Variants in GALNT10 observed in about 807,000 individuals in gnomAD.
GALNT10 encodes polypeptide N-acetylgalactosaminyltransferase 10.
A neutral mutation model predicts 75.0 loss-of-function variants in GALNT10; 41 were observed. That is an observed-to-expected ratio of 0.55 (90% CI 0.43 to 0.71). GALNT10 has a LOEUF of 0.71. GALNT10 is among the 30% of genes least tolerant of loss of function. The pLI is 0.00. For synonymous variants in GALNT10, 302 were observed against 313.0 expected, an observed-to-expected ratio of 0.96 and a Z score of 0.37; for missense variants, 727 against 818.5, an observed-to-expected ratio of 0.89 and a Z score of 1.36.
At chr5:154,406,948 G>A (rs1283712095) in intron 8 of GALNT10, among the ~76,000 whole-genome samples, 10 of 152,156 alleles carry the variant, frequency 6.6e-5, no homozygotes, top group African/African-American at 1.2e-4. Context: ...TACGGACTCC[G>A]GAAGGACAAA....
At position 154,409,556 on chromosome 5, in the gene GALNT10, G is replaced by A; in HGVS notation, c.1180G>A (p.Ala394Thr). The change falls in exon 9 of 12, where the codon GCC (alanine) becomes ACC (threonine). Residue 394 changes from alanine to threonine, a missense_variant. Ala to Thr is a moderately conservative substitution (Grantham distance 58). Transcript: ENST00000297107. The surrounding 1 kb of genome is among the most constrained non-coding windows in gnomAD (Gnocchi z 4.5). ...VSLARNLKRV[A>T]EVWMDEYAEY... ...TGCCCCATAGAACCTTAAGCGGGTG[G>A]CCGAAGTGTGGATGGATGAGTACGC... 6.2e-7 allele frequency: 1 copy of A among 1,613,164 alleles called. No individual in the cohort carries two copies. Among genetic ancestry groups the A allele is most frequent in the Non-Finnish European group, 8.5e-7 (1 of 1,179,104 alleles).
chr5:154,219,866 A>ACACACACACC (rs1561632532), intron 1 of GALNT10, among the ~76,000 whole-genome samples: 3 of 146,618 alleles, frequency 2.0e-5, no homozygotes, highest in Non-Finnish European at 3.0e-5. Flanking sequence ...ACACACACAC[A>ACACACACACC]CCACAGAGAG....
chr5:154,218,625 C>G (rs977593950), intron 1 of GALNT10, among the ~76,000 whole-genome samples: 1 of 152,118 alleles, frequency 6.6e-6, no homozygotes, highest in African/African-American at 2.4e-5. Context: ...TCTTCTGAGC[C>G]ATTTCTAGAA....
intron 7 of GALNT10, among the ~76,000 whole-genome samples, chr5:154,390,933 A>G (rs1296024352): frequency 6.6e-6 from 1 of 152,246 alleles, no homozygotes; most frequent in Non-Finnish European, 1.5e-5. Flanking sequence ...AGGCTGGCTT[A>G]CATTTCCATT....
intron 7 of GALNT10, among the ~76,000 whole-genome samples, chr5:154,400,199 A>G (rs1169291990): frequency 2.0e-5 from 3 of 152,144 alleles, no homozygotes; most frequent in Non-Finnish European, 4.4e-5. Context: ...GAGAAAAGCC[A>G]TGGCGGGGGC....
intron 3 of GALNT10, among the ~76,000 whole-genome samples, chr5:154,328,595 A>G (rs1032204551): frequency 6.6e-6 from 1 of 152,204 alleles, no homozygotes; most frequent in Non-Finnish European, 1.5e-5. Flanking sequence ...ATTCAATTCA[A>G]TTCTGACACT....
intron 1 of GALNT10, among the ~76,000 whole-genome samples, chr5:154,231,376 G>C (rs566568579): frequency 9.9e-5 from 15 of 152,212 alleles, no homozygotes; most frequent in Non-Finnish European, 2.1e-4. Flanking sequence ...CCACTTTTTT[G>C]GGAAAATCTT....
intron 1 of GALNT10, among the ~76,000 whole-genome samples, chr5:154,216,650 A>G (rs1011029268): frequency 1.3e-5 from 2 of 152,242 alleles, no homozygotes; most frequent in Non-Finnish European, 2.9e-5. Flanking sequence ...AGTCTTACCA[A>G]TTGAAAGACT....
At chr5:154,351,707 T>C (rs1327159041) in intron 4 of GALNT10, among the ~76,000 whole-genome samples, 2 of 152,208 alleles carry the variant, frequency 1.3e-5, no homozygotes, top group African/African-American at 4.8e-5. Flanking sequence ...AGTTTTCACT[T>C]TGGGTACCTT....
intron 2 of GALNT10, among the ~76,000 whole-genome samples, chr5:154,296,827 T>C (rs1425875739): frequency 6.6e-6 from 1 of 152,152 alleles, no homozygotes; most frequent in Non-Finnish European, 1.5e-5. Context: ...GGGTCCCTCA[T>C]GTTATCTGTC....
chr5:154,210,555 G>C (rs1269658052), intron 1 of GALNT10, among the ~76,000 whole-genome samples: 1 of 152,170 alleles, frequency 6.6e-6, no homozygotes, highest in Non-Finnish European at 1.5e-5. Context: ...TGATTATACA[G>C]ACTTACAATA....
chr5:154,413,038 G>C, intron 10 of GALNT10, 33 bp downstream of exon 10: 1 of 1,386,096 alleles, frequency 7.2e-7, no homozygotes. Flanking sequence ...TGGCAGCCAG[G>C]TTCTCTGAAA....
At chr5:154,267,341 G>A (rs534964815) in intron 1 of GALNT10, among the ~76,000 whole-genome samples, 18 of 152,300 alleles carry the variant, frequency 1.2e-4, no homozygotes, top group African/African-American at 4.1e-4. Flanking sequence ...CAGAAAGTGT[G>A]AGAAGCACTT....
rs1297331871 is a variant in GALNT10, at chr5:154,352,853, C to A, written c.568+23115C>A. ...GTCTTGCATCGGGACATGGCTATGG[C>A]AGGGAAGAAATTTTCACAGGGCGCC... On this transcript the variant is annotated intron_variant, in intron 4 of 11. Coordinates refer to ENST00000297107, the MANE Select transcript of GALNT10 (RefSeq NM_198321.4). The surrounding 1 kb of genome is among the most constrained non-coding windows in gnomAD (Gnocchi z 4.4). 6.6e-6 allele frequency among the ~76,000 whole-genome samples: 1 copy of A among 152,164 alleles called. No individual in the cohort carries two copies. The highest frequency in any genetic ancestry group is 1.5e-5 in the Non-Finnish European group (1 of 68,034).
At position 154,402,995 on chromosome 5, in the gene GALNT10, G is replaced by A. The variant is rs1756200518; in HGVS notation, c.1057-1109G>A. 6.6e-6 allele frequency: 1 copy of A among 152,468 alleles called. No individual in the cohort carries two copies. Among genetic ancestry groups the A allele is most frequent in the Admixed American group, 6.5e-5 (1 of 15,290 alleles). 9.4% of individuals were successfully genotyped at this position (152,468 alleles called of 1,614,324 possible). A position where few individuals can be genotyped will look rare whatever the true frequency, so the allele number is the denominator to read the frequency against. On this transcript the variant is annotated intron_variant, in intron 7 of 11. Coordinates refer to ENST00000297107, the MANE Select transcript of GALNT10 (RefSeq NM_198321.4). The surrounding 1 kb of genome is among the most constrained non-coding windows in gnomAD (Gnocchi z 4.2). ...CAGGGATTGTGAGGCCACTTCGGAG[G>A]CTGGGGCCTCGGCTGACTGATTCAC...
chr5:154,409,672 C>T lies in GALNT10; in HGVS notation c.1296C>T (p.Cys432=), dbSNP rs1756356883. The T allele has an allele frequency of 1.2e-6, 2 of 1,613,994 alleles. No individual in the cohort carries two copies. Among genetic ancestry groups the T allele is most frequent in the Admixed American group, 1.7e-5 (1 of 60,008 alleles). ...VQKKLRSSLN[C]KSFKWFMTKI... ...AAAAGCTCCGCAGCTCCCTTAACTG[C>T]AAGAGTTTCAAGTGGTTTATGACGA... The change falls in exon 9 of 12, where the codon TGC becomes TGT. Residue 432 remains cysteine (C), a synonymous_variant. Transcript: ENST00000297107. This position sits in a 1 kb window ranked among gnomAD's most constrained non-coding sequence, Gnocchi z 4.5.
chr5:154,241,267 C>T (rs1443615442), intron 1 of GALNT10, among the ~76,000 whole-genome samples: 1 of 152,066 alleles, frequency 6.6e-6, no homozygotes, highest in Non-Finnish European at 1.5e-5. Context: ...TGGGCCCCAG[C>T]TGAGGGGCAG....
In GALNT10 at chr5:154,279,302, TTG is replaced by T. The variant is rs1229200527; in HGVS notation, c.160-15512_160-15511del. Among the ~76,000 whole-genome samples the T allele has an allele frequency of 2.0e-3, 293 of 146,580 alleles. 1 individual carries two copies. Among genetic ancestry groups the T allele is most frequent in the Middle Eastern group, 3.5e-3 (1 of 284 alleles). On this transcript the variant is annotated intron_variant, in intron 1 of 11. Transcript: ENST00000297107. Reference sequence around the variant, plus strand: ...TGTTGTTGTTGTTGTTGTTGTTGTTTTGTTTTTTTTTTTTTTTTGAGATGGAG... The same window carrying T: ...TGTTGTTGTTGTTGTTGTTGTTGTTTTTTTTTTTTTTTTTTTGAGATGGAG...
intron 7 of GALNT10, among the ~76,000 whole-genome samples, chr5:154,390,086 C>A (rs6882007): frequency 0.24 from 35,889 of 151,932 alleles, 4,405 homozygotes; most frequent in Middle Eastern, 0.31. Flanking sequence ...AACATTAATT[C>A]TTACCAACAC....
Sources: gnomAD v4.1 joint callset for allele counts (sites outside exome capture counted in the v4.1 genomes callset) on GRCh38, gnomAD v4.1.1 for gene constraint, Gnocchi (gnomAD v3.1) non-coding constraint, MANE v1.5 for transcripts, NCBI Gene and HGNC (gene_info 2026-07-23, HGNC 2026-07-21) for gene names.